The following IGF2BP3 variants were observed in gnomAD, a reference collection of about 807,000 sequenced individuals.
The protein encoded by IGF2BP3 is insulin-like growth factor 2 mRNA-binding protein 3.
A neutral mutation model predicts 73.8 loss-of-function variants in IGF2BP3; 9 were observed. The ratio of observed to expected loss-of-function variants is 0.12; its 90% CI spans 0.07 to 0.21. IGF2BP3 has a LOEUF of 0.21. IGF2BP3 is among the 10% of genes least tolerant of loss of function. The probability of loss-of-function intolerance (pLI) is 1.00; values close to 1 mark genes in which losing one functional copy is unlikely to be tolerated. For missense variants in IGF2BP3, 542 were observed against 714.0 expected (o/e 0.76, Z 2.75); for synonymous variants, 258 against 256.7 (o/e 1.01, Z -0.05).
At chr7:23,347,365 T>C (rs1484726748) in intron 7 of IGF2BP3, among the ~76,000 whole-genome samples, 2 of 152,176 alleles carry the variant, frequency 1.3e-5, no homozygotes, top group Admixed American at 1.3e-4. Context: ...CCTTCTTCTA[T>C]AGCTGCATTT....
At chr7:23,388,601 C>T (rs968417650) in intron 3 of IGF2BP3, among the ~76,000 whole-genome samples, 2 of 144,180 alleles carry the variant, frequency 1.4e-5, no homozygotes, top group Non-Finnish European at 3.0e-5. Flanking sequence ...GAGTGGTCTT[C>T]TCCATCTTTT....
At position 23,329,536 on chromosome 7, in the gene IGF2BP3, C is replaced by T. The variant is rs192640660; in HGVS notation, c.1204-10282G>A. On this transcript the variant is annotated intron_variant, in intron 10 of 14. Coordinates refer to ENST00000258729, the MANE Select transcript of IGF2BP3 (RefSeq NM_006547.3). ...AATTGGTAAATATTAAATTCCCATA[C>T]AAAAAGGCCCCTGCTCAGTCTATGG... 1.3e-3 allele frequency among the ~76,000 whole-genome samples: 193 copies of T among 152,312 alleles called. 1 individual carries two copies. Among genetic ancestry groups the T allele is most frequent in the African/African-American group, 4.5e-3 (188 of 41,574 alleles).
intron 2 of IGF2BP3, among the ~76,000 whole-genome samples, chr7:23,466,058 C>G (rs577116352): frequency 3.3e-5 from 5 of 150,126 alleles, no homozygotes; most frequent in Non-Finnish European, 7.4e-5. Context: ...GTTTCACGCT[C>G]TTGTTCAGGC....
chr7:23,321,548 G>A (rs904902200), intron 10 of IGF2BP3, among the ~76,000 whole-genome samples: 8 of 152,254 alleles, frequency 5.3e-5, no homozygotes, highest in South Asian at 4.1e-4. Flanking sequence ...CAGCCAGGAC[G>A]CTCGAACTGG....
intron 10 of IGF2BP3, among the ~76,000 whole-genome samples, chr7:23,332,408 G>A (rs1161781231): frequency 6.6e-6 from 1 of 152,136 alleles, no homozygotes; most frequent in African/African-American, 2.4e-5. Flanking sequence ...TGTTTTCTAG[G>A]ATAATGTAAC....
intron 1 of IGF2BP3, among the ~76,000 whole-genome samples, chr7:23,468,820 ACAC>A (rs1400243323): frequency 1.3e-5 from 2 of 152,032 alleles, no homozygotes; most frequent in Admixed American, 1.3e-4. Flanking sequence ...GGGGCCACCA[ACAC>A]CACGAGGCCC....
chr7:23,353,562 T>A (rs1169300810), intron 5 of IGF2BP3, among the ~76,000 whole-genome samples: 1 of 152,232 alleles, frequency 6.6e-6, no homozygotes, highest in East Asian at 1.9e-4. Flanking sequence ...CTGCAGTACT[T>A]CTACAAATGG....
chr7:23,436,794 T>G (rs1411236416), intron 2 of IGF2BP3, among the ~76,000 whole-genome samples: 1 of 152,232 alleles, frequency 6.6e-6, no homozygotes, highest in Non-Finnish European at 1.5e-5. Context: ...GGATTTATTT[T>G]GCTGCAGTAA....
chr7:23,397,501 A>T (rs1391586351), intron 3 of IGF2BP3, among the ~76,000 whole-genome samples: 1 of 152,128 alleles, frequency 6.6e-6, no homozygotes, highest in African/African-American at 2.4e-5. Flanking sequence ...ATACCAACAC[A>T]TGCCTCCTTC....
chr7:23,352,952 T>A (rs1226175389), intron 5 of IGF2BP3, among the ~76,000 whole-genome samples: 1 of 152,216 alleles, frequency 6.6e-6, no homozygotes, highest in African/African-American at 2.4e-5. Flanking sequence ...TTGTATTCAT[T>A]TTGTGTGTGT....
chr7:23,456,170 C>A (rs1788311969), intron 2 of IGF2BP3, among the ~76,000 whole-genome samples: 1 of 152,006 alleles, frequency 6.6e-6, no homozygotes, highest in Non-Finnish European at 1.5e-5. Context: ...TTCAACTTAA[C>A]TCTCCAAAGA....
intron 10 of IGF2BP3, among the ~76,000 whole-genome samples, chr7:23,340,078 G>A (rs1243849352): frequency 6.6e-6 from 1 of 152,138 alleles, no homozygotes; most frequent in Non-Finnish European, 1.5e-5. Flanking sequence ...GAGCCAAGGA[G>A]TCTGACCTTC....
chr7:23,325,111 A>G (rs1213358323), intron 10 of IGF2BP3, among the ~76,000 whole-genome samples: 1 of 152,152 alleles, frequency 6.6e-6, no homozygotes, highest in East Asian at 1.9e-4. Context: ...GTATTCAATT[A>G]GGAAAAGAGG....
chr7:23,468,645 C>G, intron 1 of IGF2BP3, 103 bp from the exon 2 acceptor site: 1 of 1,160,694 alleles, frequency 8.6e-7, no homozygotes, highest in Non-Finnish European at 1.3e-6. Flanking sequence ...TCCTGAGGCC[C>G]TCGAAGGGCC....
intron 3 of IGF2BP3, chr7:23,415,166 G>A: frequency 4.5e-6 from 1 of 222,526 alleles, no homozygotes; most frequent in East Asian, 1.9e-4. Context: ...CACCACATCA[G>A]CAGGTCCCGT....
At chr7:23,467,012 C>T (rs1788580738) in intron 2 of IGF2BP3, among the ~76,000 whole-genome samples, 1 of 152,112 alleles carries the variant, frequency 6.6e-6, no homozygotes, top group Non-Finnish European at 1.5e-5. Context: ...CAGGCTATGG[C>T]TTTAAGCTTC....
intron 3 of IGF2BP3, among the ~76,000 whole-genome samples, chr7:23,401,321 T>C (rs1421351284): frequency 6.6e-6 from 1 of 152,140 alleles, no homozygotes; most frequent in African/African-American, 2.4e-5. Flanking sequence ...ATCAACATCA[T>C]GGCTGCCAGC....
chr7:23,356,510 T>C (rs946132208), intron 5 of IGF2BP3, among the ~76,000 whole-genome samples: 4 of 152,182 alleles, frequency 2.6e-5, no homozygotes, highest in Non-Finnish European at 5.9e-5. Flanking sequence ...TAAGCCATGA[T>C]TGTGCCACTG....
At chr7:23,414,568 A>T (rs954750491) in intron 3 of IGF2BP3, 4 of 152,192 alleles carry the variant, frequency 2.6e-5, no homozygotes, top group African/African-American at 9.7e-5. Flanking sequence ...CCTTGATATT[A>T]AGCTCTCAGT....
Sources: gnomAD v4.1 joint callset for allele counts (sites outside exome capture counted in the v4.1 genomes callset) on GRCh38, gnomAD v4.1.1 for gene constraint, MANE v1.5 for transcripts, NCBI Gene and HGNC (gene_info 2026-07-23, HGNC 2026-07-21) for gene names.